ARHGAP42: variants seen among roughly 807,000 people sequenced by gnomAD.
ARHGAP42 encodes the protein rho GTPase-activating protein 42.
ARHGAP42 carries 63 observed loss-of-function variants against 125.0 expected under a neutral mutation model. That is an observed-to-expected ratio of 0.50 (90% confidence interval 0.41 to 0.62). The LOEUF (loss-of-function observed/expected upper bound fraction) is 0.62. ARHGAP42 is among the 20% of genes least tolerant of loss of function. ARHGAP42 has a pLI of 0.00. For synonymous variants in ARHGAP42, 339 were observed against 351.0 expected (o/e 0.97, Z 0.38); for missense variants, 766 against 1,024.2 (o/e 0.75, Z 3.44).
intron 3 of ARHGAP42, among the ~76,000 whole-genome samples, chr11:100,836,635 T>C (rs184560818): frequency 5.1e-4 from 77 of 152,086 alleles, no homozygotes; most frequent in African/African-American, 1.3e-3. Flanking sequence ...ATCCAAGCTT[T>C]TGTTGTTTGC....
Position 100,715,597 on chromosome 11 carries a change from G to A in ARHGAP42, c.154+27765G>A, listed in dbSNP as rs147954808. Reference sequence around the variant, plus strand: ...CTCACAAGACTCATCCTTGGCGTATGTGCAAAACTGAGCTTGTGTAAAAAC... The same window carrying A: ...CTCACAAGACTCATCCTTGGCGTATATGCAAAACTGAGCTTGTGTAAAAAC... On this transcript the variant is annotated intron_variant, in intron 1 of 23. Coordinates refer to ENST00000298815, the MANE Select transcript of ARHGAP42 (RefSeq NM_152432.4). 8.5e-5 allele frequency among the ~76,000 whole-genome samples: 13 copies of A among 152,270 alleles called. No homozygotes were observed. In the East Asian group the frequency reaches 2.5e-3, roughly 29 times the overall value.
At chr11:100,693,391 A>AT (rs778708634) in intron 1 of ARHGAP42, among the ~76,000 whole-genome samples, 2 of 152,172 alleles carry the variant, frequency 1.3e-5, no homozygotes, top group Non-Finnish European at 2.9e-5. Flanking sequence ...GAACTAGTAG[A>AT]TTAGGAATGT....
In ARHGAP42 at chr11:100,987,554, A is replaced by C; in HGVS notation, c.2498A>C (p.His833Pro). Residue 833 changes from histidine (H) to proline (P), a missense_variant, in exon 23 of 24, where the codon CAT (histidine) becomes CCT (proline). By Grantham distance (77) the His-to-Pro change is moderately conservative. Coordinates refer to ENST00000298815, the MANE Select transcript of ARHGAP42 (RefSeq NM_152432.4). ...TACTCCTGTAAAGCAGAGCACAGTCATGAGCTTTCCTTCCCACAAGGAGCA... is the reference window on the plus strand; with the variant it reads ...TACTCCTGTAAAGCAGAGCACAGTCCTGAGCTTTCCTTCCCACAAGGAGCA... ...AMYSCKAEHS[H>P]ELSFPQGAIF... is the part of the protein sequence containing the mutation. 1 of 1,551,892 alleles carries C rather than the reference A, an allele frequency of 6.4e-7. No homozygotes were observed. The highest frequency in any genetic ancestry group is 8.7e-7 in the Non-Finnish European group (1 of 1,146,954).
At chr11:100,755,721 A>G (rs1298743891) in intron 1 of ARHGAP42, among the ~76,000 whole-genome samples, 1 of 152,224 alleles carries the variant, frequency 6.6e-6, no homozygotes, top group Non-Finnish European at 1.5e-5. Context: ...GGTTGAAGGT[A>G]TCAGGCCCTA....
intron 3 of ARHGAP42, among the ~76,000 whole-genome samples, chr11:100,845,926 G>A (rs1379143757): frequency 6.6e-6 from 1 of 152,152 alleles, no homozygotes; most frequent in Admixed American, 6.6e-5. Context: ...CTCATCCAGT[G>A]ATAAGACAGC....
chr11:100,986,238 T>A (rs2135335346), intron 22 of ARHGAP42: 1 of 366,160 alleles, frequency 2.7e-6, no homozygotes. Context: ...GGCAGCTATT[T>A]CAGAGAAGGC....
At chr11:100,831,097 C>T (rs1468947491) in intron 3 of ARHGAP42, among the ~76,000 whole-genome samples, 1 of 152,110 alleles carries the variant, frequency 6.6e-6, no homozygotes, top group East Asian at 1.9e-4. Flanking sequence ...GTGCTGGAAT[C>T]CTGTTTCCAC....
intron 3 of ARHGAP42, among the ~76,000 whole-genome samples, chr11:100,848,150 A>G (rs1865114383): frequency 6.6e-6 from 1 of 152,142 alleles, no homozygotes; most frequent in Non-Finnish European, 1.5e-5. Flanking sequence ...TTAGCTTTGT[A>G]TCTTTATGTT....
At chr11:100,954,798 C>G (rs1192778606) in intron 12 of ARHGAP42, among the ~76,000 whole-genome samples, 1 of 152,086 alleles carries the variant, frequency 6.6e-6, no homozygotes, top group Non-Finnish European at 1.5e-5. Context: ...GTTAACTGCC[C>G]ATCCTTAAGG....
At chr11:100,891,265 T>C (rs769896823) in intron 4 of ARHGAP42, among the ~76,000 whole-genome samples, 1 of 152,142 alleles carries the variant, frequency 6.6e-6, no homozygotes, top group Non-Finnish European at 1.5e-5. Flanking sequence ...GCTCCTAATG[T>C]CTTTCTGTCC....
chr11:100,988,636 G>A, intron 23 of ARHGAP42, 77 bp from the exon 24 acceptor site: 2 of 1,187,174 alleles, frequency 1.7e-6, no homozygotes, highest in Non-Finnish European at 2.4e-6. Context: ...ATCCGATGTG[G>A]GTGTTTAACC....
At chr11:100,934,318 G>A (rs1043969731) in intron 7 of ARHGAP42, among the ~76,000 whole-genome samples, 2 of 152,010 alleles carry the variant, frequency 1.3e-5, no homozygotes, top group South Asian at 4.1e-4. Flanking sequence ...GTTCACGCAT[G>A]TGTGTGAGAC....
At position 100,979,431 on chromosome 11, in the gene ARHGAP42, G is replaced by A. The variant is rs891868820; in HGVS notation, c.2456+382G>A. On this transcript the variant is annotated intron_variant, in intron 22 of 23. Transcript: ENST00000298815. ...ATCATGAATATCCATGGAAAAATATGGTTATCCTTAAGGATCTCAGAGATG... is the reference window on the plus strand; with the variant it reads ...ATCATGAATATCCATGGAAAAATATAGTTATCCTTAAGGATCTCAGAGATG... 5.9e-5 allele frequency among the ~76,000 whole-genome samples: 9 copies of A among 152,070 alleles called. No individual in the cohort carries two copies. In the South Asian group the frequency reaches 8.3e-4, roughly 14 times the overall value.
intron 23 of ARHGAP42, 140 bp downstream of exon 23, chr11:100,987,732 ACACATCAAAT>A: frequency 1.3e-6 from 1 of 763,210 alleles, no homozygotes; most frequent in South Asian, 1.8e-5. Context: ...GCATGCATGA[ACACATCAAAT>A]CCCTCTGGGT....
intron 1 of ARHGAP42, among the ~76,000 whole-genome samples, chr11:100,689,261 A>G (rs1373340339): frequency 6.6e-6 from 1 of 152,200 alleles, no homozygotes; most frequent in African/African-American, 2.4e-5. Context: ...CTACATAAAC[A>G]CTAATGTGAA....
intron 3 of ARHGAP42, among the ~76,000 whole-genome samples, chr11:100,819,948 C>T (rs1399006204): frequency 6.6e-6 from 1 of 152,082 alleles, no homozygotes; most frequent in African/African-American, 2.4e-5. Flanking sequence ...TTTCCCATTT[C>T]ATTTTGCATA....
chr11:100,820,924 TTA>T (rs900781658), intron 3 of ARHGAP42, among the ~76,000 whole-genome samples: 11 of 144,118 alleles, frequency 7.6e-5, no homozygotes, highest in South Asian at 2.1e-4. Flanking sequence ...TTTTTTTTTT[TTA>T]AATTAACTGT....
chr11:100,756,411 T>C (rs1442123687), intron 1 of ARHGAP42, among the ~76,000 whole-genome samples: 1 of 151,950 alleles, frequency 6.6e-6, no homozygotes, highest in Non-Finnish European at 1.5e-5. Flanking sequence ...AATAAATATA[T>C]TTTTAAATAC....
intron 7 of ARHGAP42, among the ~76,000 whole-genome samples, chr11:100,935,474 G>A (rs1003146894): frequency 7.2e-5 from 11 of 152,086 alleles, no homozygotes; most frequent in African/African-American, 2.7e-4. Context: ...TATGCCACAT[G>A]TATCAAAAGT....
Sources: gnomAD v4.1 joint callset for allele counts (sites outside exome capture counted in the v4.1 genomes callset) on GRCh38, gnomAD v4.1.1 for gene constraint, MANE v1.5 for transcripts, NCBI Gene and HGNC (gene_info 2026-07-23, HGNC 2026-07-21) for gene names.